The following ARHGAP42 variants were observed in gnomAD, a reference collection of about 807,000 sequenced individuals.
The protein encoded by ARHGAP42 is Rho GTPase activating protein 42.
In ARHGAP42, 63 loss-of-function variants were observed where a neutral mutation model predicts 125.0. The ratio of observed to expected loss-of-function variants is 0.50; its 90% confidence interval spans 0.41 to 0.62. The LOEUF (loss-of-function observed/expected upper bound fraction) is 0.62. Ranked by LOEUF, ARHGAP42 falls within the 20% of genes least tolerant of loss-of-function variation. ARHGAP42 has a pLI of 0.00. For synonymous variants in ARHGAP42, 339 were observed against 351.0 expected (o/e 0.97, Z 0.38); for missense variants, 766 against 1,024.2 (o/e 0.75, Z 3.44).
At chr11:100,749,637 T>G (rs1435247025) in intron 1 of ARHGAP42, among the ~76,000 whole-genome samples, 1 of 152,178 alleles carries the variant, frequency 6.6e-6, no homozygotes, top group Non-Finnish European at 1.5e-5. Context: ...AAGGGAGAAT[T>G]AGGCCCCTTT....
chr11:100,935,677 C>CACACAG (rs143859109), intron 7 of ARHGAP42, among the ~76,000 whole-genome samples: 4,407 of 146,650 alleles, frequency 0.03, 66 homozygotes, highest in Non-Finnish European at 0.035. Context: ...CACACACACA[C>CACACAG]AGAGAGAGAG....
chr11:100,945,896 C>G (rs1224318658), intron 10 of ARHGAP42, among the ~76,000 whole-genome samples: 2 of 152,020 alleles, frequency 1.3e-5, no homozygotes, highest in Non-Finnish European at 2.9e-5. Flanking sequence ...AAGAGTCAGC[C>G]TATTTGAAGC....
intron 4 of ARHGAP42, among the ~76,000 whole-genome samples, chr11:100,862,330 A>G (rs1462866452): frequency 6.6e-6 from 1 of 152,228 alleles, no homozygotes; most frequent in African/African-American, 2.4e-5. Context: ...AAAAAATTGA[A>G]TTAGAGCATT....
At chr11:100,719,898 G>A (rs1044514787) in intron 1 of ARHGAP42, among the ~76,000 whole-genome samples, 3 of 152,170 alleles carry the variant, frequency 2.0e-5, no homozygotes, top group African/African-American at 7.2e-5. Context: ...TACTACTTCT[G>A]TATCCTAGGC....
chr11:100,892,976 A>C (rs1033699972), intron 4 of ARHGAP42, among the ~76,000 whole-genome samples: 5 of 152,224 alleles, frequency 3.3e-5, no homozygotes. Context: ...CATGTGACAC[A>C]CTTCGATTTT....
rs554373244 is a variant in ARHGAP42 at position 100,972,804 on chromosome 11, T to C, written c.1551-371T>C. On this transcript the variant is annotated intron_variant, in intron 17 of 23. Transcript: ENST00000298815. ...TCCTGGCAATAGATTCTCAATAATATGTTTGGTGACTCTGAATATAATTGC... is the reference window on the plus strand; with the variant it reads ...TCCTGGCAATAGATTCTCAATAATACGTTTGGTGACTCTGAATATAATTGC... Among the ~76,000 whole-genome samples the C allele has an allele frequency of 2.2e-4, 34 of 152,324 alleles. No individual in the cohort carries two copies. The South Asian group carries it at 6.6e-3, about 30-fold the overall frequency.
chr11:100,859,519 T>C (rs1280954510), intron 3 of ARHGAP42, 35 bp from the exon 4 acceptor site: 2 of 1,499,464 alleles, frequency 1.3e-6, no homozygotes, highest in Non-Finnish European at 1.8e-6. Context: ...CATGAAATTA[T>C]GCAAGATTTA....
chr11:100,943,936 T>A (rs1489100610), intron 10 of ARHGAP42, 68 bp downstream of exon 10: 4 of 1,052,734 alleles, frequency 3.8e-6, no homozygotes, highest in Non-Finnish European at 5.5e-6. Flanking sequence ...TATTTAAATA[T>A]AAACATGAAA....
chr11:100,895,067 A>G (rs1235539954), intron 4 of ARHGAP42, among the ~76,000 whole-genome samples: 1 of 152,198 alleles, frequency 6.6e-6, no homozygotes, highest in Non-Finnish European at 1.5e-5. Context: ...TCAATTCCAG[A>G]ATGTTTAAGC....
At chr11:100,748,962 C>A (rs538241711) in intron 1 of ARHGAP42, among the ~76,000 whole-genome samples, 1 of 152,094 alleles carries the variant, frequency 6.6e-6, no homozygotes, top group Non-Finnish European at 1.5e-5. Context: ...CTCTGACTCC[C>A]TCTTTGTCTC....
intron 22 of ARHGAP42, among the ~76,000 whole-genome samples, chr11:100,986,575 T>A (rs893628225): frequency 1.3e-5 from 2 of 152,014 alleles, no homozygotes; most frequent in Non-Finnish European, 2.9e-5. Context: ...CTATAGATAA[T>A]GGATTGTAAG....
intron 4 of ARHGAP42, among the ~76,000 whole-genome samples, chr11:100,864,775 T>C (rs1865528050): frequency 6.6e-6 from 1 of 152,170 alleles, no homozygotes; most frequent in Non-Finnish European, 1.5e-5. Context: ...TGGTTTAGTG[T>C]GAAATATCTT....
At chr11:100,763,683 TTTCCCCATGTTGGCCAGG>T (rs1217541226) in intron 1 of ARHGAP42, among the ~76,000 whole-genome samples, 26 of 152,062 alleles carry the variant, frequency 1.7e-4, no homozygotes, top group Admixed American at 1.3e-3. Context: ...AGAGATGGGG[TTTCCCCATGTTGGCCAGG>T]CTGGTCTCGA....
At chr11:100,838,747 A>T (rs1280405263) in intron 3 of ARHGAP42, among the ~76,000 whole-genome samples, 1 of 151,872 alleles carries the variant, frequency 6.6e-6, no homozygotes, top group African/African-American at 2.4e-5. Flanking sequence ...CATAGTGTTT[A>T]AAAAAATCTA....
intron 4 of ARHGAP42, among the ~76,000 whole-genome samples, chr11:100,911,063 T>A (rs1431634256): frequency 6.6e-6 from 1 of 152,198 alleles, no homozygotes; most frequent in African/African-American, 2.4e-5. Context: ...TTTCTTCCTC[T>A]TCTATGAAAA....
chr11:100,939,017 T>G (rs1867809115), intron 8 of ARHGAP42, among the ~76,000 whole-genome samples: 1 of 152,198 alleles, frequency 6.6e-6, no homozygotes, highest in Admixed American at 6.6e-5. Context: ...ATAAATTGTG[T>G]GATAAATGGA....
At chr11:100,932,547 G>A (rs1867615999) in intron 6 of ARHGAP42, among the ~76,000 whole-genome samples, 1 of 152,100 alleles carries the variant, frequency 6.6e-6, no homozygotes, top group African/African-American at 2.4e-5. Flanking sequence ...TAGAAATTAT[G>A]ACTTTGTAAA....
At chr11:100,696,280 T>A (rs1861282750) in intron 1 of ARHGAP42, among the ~76,000 whole-genome samples, 1 of 152,146 alleles carries the variant, frequency 6.6e-6, no homozygotes, top group African/African-American at 2.4e-5. Flanking sequence ...TTATGTAAAA[T>A]CAATTATGAC....
chr11:100,977,368 T>C (rs371637675), intron 21 of ARHGAP42, among the ~76,000 whole-genome samples: 1 of 152,188 alleles, frequency 6.6e-6, no homozygotes, highest in Non-Finnish European at 1.5e-5. Flanking sequence ...CCTCACTGTT[T>C]TAAAGCAGCT....
Sources: gnomAD v4.1 joint callset for allele counts (sites outside exome capture counted in the v4.1 genomes callset) on GRCh38, gnomAD v4.1.1 for gene constraint, MANE v1.5 for transcripts, NCBI Gene and HGNC (gene_info 2026-07-23, HGNC 2026-07-21) for gene names.